The following TFAP2D variants were observed in gnomAD, a reference collection of about 807,000 sequenced individuals.
TFAP2D encodes transcription factor AP-2-delta.
A neutral mutation model predicts 43.6 loss-of-function variants in TFAP2D; 9 were observed. The ratio of observed to expected loss-of-function variants is 0.21; its 90% CI spans 0.12 to 0.36. The LOEUF is 0.36. Ranked by LOEUF, TFAP2D falls within the 10% of genes least tolerant of loss-of-function variation. The pLI, the probability that TFAP2D is intolerant of heterozygous loss-of-function variation, is 1.00. For missense variants in TFAP2D, 513 were observed against 561.4 expected (o/e 0.91, Z 0.87); for synonymous variants, 256 against 224.9 (o/e 1.14, Z -1.24).
intron 7 of TFAP2D, among the ~76,000 whole-genome samples, chr6:50,756,959 C>G (rs1262997920): frequency 6.6e-6 from 1 of 151,882 alleles, no homozygotes; most frequent in East Asian, 2.0e-4. Flanking sequence ...CCCTGTTGGT[C>G]TCTTATGTTC....
chr6:50,727,160 G>A (rs1768819830), intron 3 of TFAP2D, among the ~76,000 whole-genome samples: 1 of 152,098 alleles, frequency 6.6e-6, no homozygotes, highest in South Asian at 2.1e-4. Flanking sequence ...TTTTTGGAGG[G>A]ACTTTAGAAT....
chr6:50,721,286 G>C (rs1768719737), intron 3 of TFAP2D, among the ~76,000 whole-genome samples: 1 of 152,216 alleles, frequency 6.6e-6, no homozygotes, highest in Non-Finnish European at 1.5e-5. Context: ...GTTTACGTCT[G>C]TCTTGTTTGA....
At chr6:50,761,074 A>C (rs545232859) in intron 7 of TFAP2D, among the ~76,000 whole-genome samples, 1 of 151,804 alleles carries the variant, frequency 6.6e-6, no homozygotes, top group South Asian at 2.1e-4. Context: ...TACTGTTTGC[A>C]TCCTTCCCAG....
In TFAP2D at chr6:50,713,978, C is replaced by G. The variant is rs1768570837; in HGVS notation, c.-78C>G. 1.3e-6 allele frequency: 2 copies of G among 1,586,514 alleles called. No individual in the cohort carries two copies. The highest frequency in any genetic ancestry group is 1.1e-5 in the South Asian group (1 of 88,352). On this transcript the variant is annotated 5_prime_UTR_variant, in exon 1 of 8. Coordinates refer to ENST00000008391, the MANE Select transcript of TFAP2D (RefSeq NM_172238.4). The stretch of plus-strand genomic sequence containing the variant: ...TTTTTCCTTTAAAAATTGGAAAATA[C>G]AAGAAGTTTGGATTTTTTTTTCCCG...
At chr6:50,745,024 G>A (rs1259374492) in intron 5 of TFAP2D, 83 bp from the exon 6 acceptor site, 1 of 1,531,266 alleles carries the variant, frequency 6.5e-7, no homozygotes, top group Non-Finnish European at 8.8e-7. Flanking sequence ...ACAGCCAGGA[G>A]TGAGGCTTGA....
At chr6:50,718,530 A>T (rs1169152183) in intron 2 of TFAP2D, among the ~76,000 whole-genome samples, 2 of 152,216 alleles carry the variant, frequency 1.3e-5, no homozygotes, top group East Asian at 1.9e-4. Flanking sequence ...TCCTCAATCC[A>T]TTAGGACTTT....
chr6:50,713,822 T>A lies in TFAP2D; in HGVS notation c.-234T>A. The A allele has an allele frequency of 5.0e-6, 3 of 596,670 alleles. No individual in the cohort carries two copies. In the South Asian group the frequency reaches 6.3e-5, roughly 13 times the overall value. 37.0% of individuals were successfully genotyped at this position (596,670 alleles called of 1,614,324 possible). A position where few individuals can be genotyped will look rare whatever the true frequency, so the allele number is the denominator to read the frequency against. ...AGAAATACTCAGCAAGTACAAAATCTGTTCCAGGGAGCTGCTTTTGTGCAG... is the reference window on the plus strand; with the variant it reads ...AGAAATACTCAGCAAGTACAAAATCAGTTCCAGGGAGCTGCTTTTGTGCAG... On this transcript the variant is annotated 5_prime_UTR_variant, in exon 1 of 8. Coordinates refer to ENST00000008391, the MANE Select transcript of TFAP2D (RefSeq NM_172238.4).
At chr6:50,734,009 T>G (rs1412551536) in intron 5 of TFAP2D, among the ~76,000 whole-genome samples, 1 of 151,938 alleles carries the variant, frequency 6.6e-6, no homozygotes, top group Non-Finnish European at 1.5e-5. Context: ...TGTGTGTGTG[T>G]GTGTGTGTGT....
At chr6:50,741,126 A>G (rs895489965) in intron 5 of TFAP2D, among the ~76,000 whole-genome samples, 6 of 151,798 alleles carry the variant, frequency 4.0e-5, no homozygotes, top group African/African-American at 1.2e-4. Flanking sequence ...TAAGTATTTA[A>G]TATAAGTATT....
intron 3 of TFAP2D, among the ~76,000 whole-genome samples, chr6:50,725,876 C>G (rs966072703): frequency 6.6e-6 from 1 of 152,184 alleles, no homozygotes; most frequent in African/African-American, 2.4e-5. Context: ...TTAGCCAGGA[C>G]TAGAGAGTTC....
chr6:50,742,541 T>C (rs1473186451), intron 5 of TFAP2D, among the ~76,000 whole-genome samples: 1 of 151,374 alleles, frequency 6.6e-6, no homozygotes, highest in Non-Finnish European at 1.5e-5. Flanking sequence ...GATGGATGGA[T>C]GGATGGGTGG....
chr6:50,757,111 A>G (rs1187723065), intron 7 of TFAP2D, among the ~76,000 whole-genome samples: 3 of 151,618 alleles, frequency 2.0e-5, no homozygotes, highest in African/African-American at 4.8e-5. Flanking sequence ...GTACCTTGGG[A>G]GGCTGAAGTT....
intron 3 of TFAP2D, among the ~76,000 whole-genome samples, chr6:50,726,549 A>G (rs1173405289): frequency 6.6e-6 from 1 of 152,188 alleles, no homozygotes; most frequent in Non-Finnish European, 1.5e-5. Flanking sequence ...GTAGAGATCC[A>G]TTTTTAGAAG....
rs778117883 is a variant in TFAP2D, at chr6:50,714,033, G to A, written c.-23G>A. The A allele has an allele frequency of 3.0e-5, 48 of 1,609,860 alleles. No homozygotes were observed. Among genetic ancestry groups the A allele is most frequent in the Non-Finnish European group, 3.8e-5 (45 of 1,178,924 alleles). On this transcript the variant is annotated 5_prime_UTR_variant, in exon 1 of 8. Coordinates refer to ENST00000008391, the MANE Select transcript of TFAP2D (RefSeq NM_172238.4). ...TTTTTTTGGAGGGGGAAATTGCATC[G>A]TAAGCTTTCGGAGAAACCCAACATG...
chr6:50,740,205 A>G (rs1357139122), intron 5 of TFAP2D, among the ~76,000 whole-genome samples: 1 of 152,228 alleles, frequency 6.6e-6, no homozygotes, highest in East Asian at 1.9e-4. Context: ...GGAGTTTAAC[A>G]CATACAAATT....
At position 50,715,272 on chromosome 6, in the gene TFAP2D, T is replaced by A; in HGVS notation, c.196T>A (p.Tyr66Asn). 6.2e-7 allele frequency: 1 copy of A among 1,613,664 alleles called. No homozygotes were observed. ...CCCCTACTTCTCCACTAACCACCAG[T>A]ACACCCCGCTCCACCACCAGTCCTT... ...ASPYFSTNHQ[Y>N]TPLHHQSFHY... is the part of the protein sequence containing the mutation. The change falls in exon 2 of 8, where the codon TAC becomes AAC. Residue 66 changes from tyrosine (Y) to asparagine (N), a missense_variant. By Grantham distance (143) the Tyr-to-Asn change is moderately radical. This residue lies in a region of TFAP2D where 311 missense variants were observed against 316.2 expected (regional missense o/e 0.98). Transcript: ENST00000008391.
intron 7 of TFAP2D, among the ~76,000 whole-genome samples, chr6:50,757,091 T>C (rs1367259557): frequency 6.6e-6 from 1 of 151,932 alleles, no homozygotes; most frequent in Admixed American, 6.6e-5. Flanking sequence ...AAAACTTTTT[T>C]TCTCAGCATG....
chr6:50,740,763 G>A (rs1769032618), intron 5 of TFAP2D, among the ~76,000 whole-genome samples: 2 of 152,108 alleles, frequency 1.3e-5, no homozygotes, highest in Admixed American at 1.3e-4. Flanking sequence ...CTTAATGACT[G>A]TATAACAGAT....
intron 1 of TFAP2D, 64 bp from the exon 2 acceptor site, chr6:50,715,052 C>G (rs45599639): frequency 0.035 from 54,552 of 1,561,822 alleles, 1,094 homozygotes; most frequent in Non-Finnish European, 0.041. Context: ...GAGAGCGGCG[C>G]CTTGGTTGCA....
Sources: gnomAD v4.1 joint callset for allele counts (sites outside exome capture counted in the v4.1 genomes callset) on GRCh38, gnomAD v4.1.1 for gene constraint, gnomAD v4.1.1 regional missense constraint, MANE v1.5 for transcripts, NCBI Gene and HGNC (gene_info 2026-07-23, HGNC 2026-07-21) for gene names.